The following RBL2 variants were observed in gnomAD, a reference collection of about 807,000 sequenced individuals.
RBL2 encodes the protein retinoblastoma-like protein 2.
In RBL2, 56 loss-of-function variants were observed where a neutral mutation model predicts 126.0. The observed-to-expected ratio is 0.44, with a 90% CI of 0.36 to 0.56. The LOEUF is 0.56. RBL2 is among the 20% of genes least tolerant of loss of function. The pLI is 0.00. For missense variants in RBL2, 1,229 were observed against 1,398.2 expected (o/e 0.88, Z 1.93); for synonymous variants, 454 against 478.5 (o/e 0.95, Z 0.67).
Position 53,462,630 on chromosome 16 carries a change from AAAG to A in RBL2, c.1537_1539del (p.Arg513del). On this transcript the variant is annotated inframe_deletion, in exon 11 of 22. Coordinates refer to ENST00000262133, the MANE Select transcript of RBL2 (RefSeq NM_005611.4). ...GAATCTGTTATTGAGCAGGAACAAA[AAAG>A]ACTAGGAGACATGGATTTATCTGTG... is the stretch of plus-strand genomic sequence containing the variant. 1 of 1,563,298 alleles carries A rather than the reference AAAG, an allele frequency of 6.4e-7. No homozygotes were observed.
chr16:53,440,221 A>G (rs1288287379), intron 2 of RBL2, among the ~76,000 whole-genome samples: 1 of 152,130 alleles, frequency 6.6e-6, no homozygotes, highest in Non-Finnish European at 1.5e-5. Context: ...ACTTGAGCCC[A>G]GGAGGCAGAG....
chr16:53,434,643 C>T lies in RBL2; in HGVS notation c.87C>T (p.Gly29=), dbSNP rs966481175. The T allele has an allele frequency of 4.5e-6, 7 of 1,563,744 alleles. No individual in the cohort carries two copies. In the Admixed American group the frequency reaches 5.6e-5, roughly 12 times the overall value. Residue 29 remains glycine, a synonymous_variant, in exon 1 of 22, where the codon GGC becomes GGT. Transcript: ENST00000262133. ...CGGATGAGGAGGAGGAGGACGACGG[C>T]GAGGCGGAAGACGCCGCGCCGCCTG... is the stretch of plus-strand genomic sequence containing the variant. ...AASDEEEEDD[G]EAEDAAPPAE... is the part of the protein sequence containing the mutation.
chr16:53,467,728 ATGTT>A (rs1403383711), intron 14 of RBL2, among the ~76,000 whole-genome samples: 2 of 152,212 alleles, frequency 1.3e-5, no homozygotes, highest in Non-Finnish European at 2.9e-5. Context: ...TTTAAAGTGT[ATGTT>A]TATTTATGAG....
chr16:53,478,545 C>CTT (rs71143989), intron 17 of RBL2, among the ~76,000 whole-genome samples: 5,970 of 128,694 alleles, frequency 0.046, 226 homozygotes, highest in African/African-American at 0.081. Context: ...TTTGCTAATC[C>CTT]TTTTTTTTTT....
chr16:53,466,650 CAGG>C (rs1567738756), intron 13 of RBL2: 1 of 177,762 alleles, frequency 5.6e-6, no homozygotes, highest in Non-Finnish European at 1.2e-5. Flanking sequence ...ACTAATCTGA[CAGG>C]AGGCCAGCAC....
At chr16:53,462,869 C>G (rs2058236151) in intron 11 of RBL2, among the ~76,000 whole-genome samples, 1 of 152,126 alleles carries the variant, frequency 6.6e-6, no homozygotes, top group Admixed American at 6.5e-5. Flanking sequence ...GAGATGGAGT[C>G]TTGCGCTGTC....
chr16:53,474,479 G>A (rs1024288793), intron 17 of RBL2, among the ~76,000 whole-genome samples: 1 of 152,128 alleles, frequency 6.6e-6, no homozygotes, highest in South Asian at 2.1e-4. Context: ...ACCACCCCTG[G>A]CTAATTTTGT....
At chr16:53,435,845 C>T (rs933805829) in intron 1 of RBL2, 1 of 1,086,608 alleles carries the variant, frequency 9.2e-7, no homozygotes, top group African/African-American at 1.6e-5. Flanking sequence ...TTACTAGTTC[C>T]CTCTTTGAAT....
intron 17 of RBL2, among the ~76,000 whole-genome samples, chr16:53,471,334 A>G (rs1260404378): frequency 6.6e-6 from 1 of 152,168 alleles, no homozygotes; most frequent in East Asian, 1.9e-4. Context: ...TGTTTTCCAA[A>G]GTACTGTACC....
At chr16:53,487,769 C>T (rs1312842596) in intron 21 of RBL2, 1 of 152,180 alleles carries the variant, frequency 6.6e-6, no homozygotes, top group African/African-American at 2.4e-5. Flanking sequence ...AATCTGTACA[C>T]GTTCCATATC....
chr16:53,435,189 C>A (rs1236975486), intron 1 of RBL2, among the ~76,000 whole-genome samples: 1 of 152,138 alleles, frequency 6.6e-6, no homozygotes, highest in Non-Finnish European at 1.5e-5. Context: ...CGCGATTAAC[C>A]GGGTTGTGGC....
intron 21 of RBL2, among the ~76,000 whole-genome samples, chr16:53,486,858 TAAGG>T (rs1961196726): frequency 6.6e-6 from 1 of 152,194 alleles, no homozygotes; most frequent in Non-Finnish European, 1.5e-5. Context: ...CTGGAACTAA[TAAGG>T]GAGGTTATGT....
chr16:53,477,856 T>C (rs1410020848), intron 17 of RBL2, among the ~76,000 whole-genome samples: 1 of 152,182 alleles, frequency 6.6e-6, no homozygotes, highest in African/African-American at 2.4e-5. Flanking sequence ...TGTGCAGTTA[T>C]ACTGTATTTA....
chr16:53,486,827 C>A (rs1961195443), intron 21 of RBL2, among the ~76,000 whole-genome samples: 1 of 152,064 alleles, frequency 6.6e-6, no homozygotes, highest in African/African-American at 2.4e-5. Context: ...AGGAAAATCA[C>A]AAAGAATCCA....
chr16:53,455,558 T>G (rs2058158937), intron 8 of RBL2, among the ~76,000 whole-genome samples: 1 of 152,040 alleles, frequency 6.6e-6, no homozygotes, highest in Non-Finnish European at 1.5e-5. Context: ...TATATTCCAG[T>G]GTGGGGAGAT....
At chr16:53,489,479 C>CT (rs1961312326) in intron 21 of RBL2, 1 of 150,430 alleles carries the variant, frequency 6.6e-6, no homozygotes, top group Non-Finnish European at 1.5e-5. Context: ...AAACTGAATG[C>CT]TAAAGGTGCT....
At position 53,471,608 on chromosome 16, in the gene RBL2, A is replaced by C. The variant is rs1960528012; in HGVS notation, c.2703+686A>C. 2.6e-5 allele frequency among the ~76,000 whole-genome samples: 4 copies of C among 151,950 alleles called. No homozygotes were observed. In the South Asian group the frequency reaches 8.3e-4, roughly 32 times the overall value. The stretch of plus-strand genomic sequence containing the variant: ...CGTAGCCTCCCGAGTAGCTGGGATT[A>C]CAGCCATGTGCCACCATGCCTGGCT... On this transcript the variant is annotated intron_variant, in intron 17 of 21. Transcript: ENST00000262133.
chr16:53,486,523 A>G (rs868548065), intron 21 of RBL2, among the ~76,000 whole-genome samples: 1 of 152,206 alleles, frequency 6.6e-6, no homozygotes, highest in Non-Finnish European at 1.5e-5. Flanking sequence ...AATTCTATAG[A>G]AACTCTCCCA....
At chr16:53,456,690 A>T (rs1378331320) in intron 8 of RBL2, among the ~76,000 whole-genome samples, 1 of 152,228 alleles carries the variant, frequency 6.6e-6, no homozygotes, top group South Asian at 2.1e-4. Context: ...TTCTTCAGAT[A>T]TGCCAGGCAT....
Sources: allele counts gnomAD v4.1 joint callset (sites outside exome capture counted in the v4.1 genomes callset), GRCh38; gene constraint gnomAD v4.1.1; transcripts MANE v1.5; gene names NCBI Gene and HGNC (gene_info 2026-07-23, HGNC 2026-07-21).